The following IFI27 variants were observed in gnomAD, a reference collection of about 807,000 sequenced individuals.
The protein encoded by IFI27 is interferon alpha-inducible protein 27, mitochondrial.
IFI27 carries 3 observed loss-of-function variants against 8.9 expected under a neutral mutation model. The ratio of observed to expected loss-of-function variants is 0.34; its 90% confidence interval spans 0.15 to 0.87. The LOEUF is 0.87. IFI27 is among the 40% of genes least tolerant of loss of function. IFI27 has a pLI of 0.51. For missense variants in IFI27, 152 were observed against 157.7 expected (o/e 0.96, Z 0.19); for synonymous variants, 66 against 67.3 (o/e 0.98, Z 0.09).
chr14:94,116,099 G>A lies in IFI27; in HGVS notation c.283+157G>A, dbSNP rs1188723582. On this transcript the variant is annotated intron_variant, in intron 4 of 4. Transcript: ENST00000621160. The surrounding 1 kb of genome is among the most constrained non-coding windows in gnomAD (Gnocchi z 4.3). ...GGTTTCTCTGAGGGAGATGGAGGAG[G>A]GAGGGAAGGAGCCCAAGCCAGGAAC... 8 of 902,100 alleles carry A rather than the reference G, an allele frequency of 8.9e-6. No individual in the cohort carries two copies. The allele number at this position is 902,100 out of a possible 1,614,324, so 55.9% of individuals were successfully genotyped here.
chr14:94,111,481 C>A lies in IFI27; in HGVS notation c.-58-144C>A. 1.7e-6 allele frequency: 1 copy of A among 594,118 alleles called. No homozygotes were observed. Among genetic ancestry groups the A allele is most frequent in the South Asian group, 2.0e-5 (1 of 48,876 alleles). 36.8% of individuals were successfully genotyped at this position (594,118 alleles called of 1,614,324 possible). A position where few individuals can be genotyped will look rare whatever the true frequency, so the allele number is the denominator to read the frequency against. ...CTCCCCAACATCCCTCCCTCCCTCA[C>A]CCCAGGATCCTTTCAAGGCCTGCTG... On this transcript the variant is annotated intron_variant, in intron 1 of 4. Coordinates refer to ENST00000621160, the Ensembl canonical transcript of IFI27. The surrounding 1 kb of genome is among the most constrained non-coding windows in gnomAD (Gnocchi z 4.3).
At chr14:94,114,250 T>C (rs8008692) in intron 2 of IFI27, 5,920 of 153,460 alleles carry the variant, frequency 0.039, 369 homozygotes, top group African/African-American at 0.13. Context: ...GAAGCACATC[T>C]TTCTCTGCCA....
Position 94,116,419 on chromosome 14 carries a change from G to C in IFI27, c.284-23G>C. On this transcript the variant is annotated intron_variant, in intron 4 of 4. Transcript: ENST00000621160. The surrounding 1 kb of genome is among the most constrained non-coding windows in gnomAD (Gnocchi z 4.3). ...TTCCCCGACAGGCATGTCCCACTCT[G>C]TCCACCCTCTGCTTCTTCCCAGGAG... 1 of 1,574,872 alleles carries C rather than the reference G, an allele frequency of 6.3e-7. No individual in the cohort carries two copies. The highest frequency in any genetic ancestry group is 2.2e-5 in the East Asian group (1 of 44,524).
Position 94,116,348 on chromosome 14 carries a change from C to A in IFI27, c.284-94C>A. ...TGGGGTCTGTAAGCCTCAGCCCCTG[C>A]TGAGGGTCACTGGAGTCTCTGACCC... On this transcript the variant is annotated intron_variant, in intron 4 of 4. Transcript: ENST00000621160. The surrounding 1 kb of genome is among the most constrained non-coding windows in gnomAD (Gnocchi z 4.3). 2 of 851,940 alleles carry A rather than the reference C, an allele frequency of 2.3e-6. No homozygotes were observed. The highest frequency in any genetic ancestry group is 2.0e-5 in the Admixed American group (1 of 49,838). 52.8% of individuals were successfully genotyped at this position (851,940 alleles called of 1,614,324 possible). A position where few individuals can be genotyped will look rare whatever the true frequency, so the allele number is the denominator to read the frequency against.
Position 94,115,188 on chromosome 14 carries a change from G to A in IFI27, c.121+308G>A, listed in dbSNP as rs1285898710. On this transcript the variant is annotated intron_variant, in intron 3 of 4. Transcript: ENST00000621160. ...TGTCTTTGAACTCCTCTGAGCTCCT[G>A]TTTCCTCTCCAGAGAAAAGGCTGGT... 5 of 654,436 alleles carry A rather than the reference G, an allele frequency of 7.6e-6. No individual in the cohort carries two copies. The Admixed American group carries it at 1.0e-4, about 14-fold the overall frequency. The allele number at this position is 654,436 out of a possible 1,614,324, so 40.5% of individuals were successfully genotyped here. A position where few individuals can be genotyped will look rare whatever the true frequency, so the allele number is the denominator to read the frequency against.
At chr14:94,108,764 A>AG (rs1333467421), upstream of IFI27, among the ~76,000 whole-genome samples, 2 of 151,874 alleles carry the variant, frequency 1.3e-5, no homozygotes, top group Non-Finnish European at 2.9e-5. Flanking sequence ...AAAAAAAAAA[A>AG]AGAGAGAGAG....
chr14:94,115,976 G>T, intron 4 of IFI27, 34 bp downstream of exon 4: 1 of 1,548,590 alleles, frequency 6.5e-7, no homozygotes. Flanking sequence ...TGGGGAGGGC[G>T]ATGAGGAGGG....
chr14:94,106,765 A>G (rs1308099252), upstream of IFI27, among the ~76,000 whole-genome samples: 3 of 152,166 alleles, frequency 2.0e-5, no homozygotes, highest in African/African-American at 4.8e-5. Context: ...TTGTACTCAC[A>G]ATGGAAGGCA....
At chr14:94,106,928 G>A (rs1567074774), upstream of IFI27, among the ~76,000 whole-genome samples, 2 of 151,902 alleles carry the variant, frequency 1.3e-5, no homozygotes, top group Non-Finnish European at 2.9e-5. Flanking sequence ...AAACACCCCC[G>A]ACTAGGCCTC....
At chr14:94,115,041 C>G in intron 3 of IFI27, 161 bp downstream of exon 3, 1 of 701,016 alleles carries the variant, frequency 1.4e-6, no homozygotes. Flanking sequence ...AGAAATACAG[C>G]ACTGGAAGCT....
Position 94,111,591 on chromosome 14 carries a change from C to G in IFI27, c.-58-34C>G, listed in dbSNP as rs1887185952. ...GTGGGAAGCAAGTCAGGTTGTGTGC[C>G]CATCCCGTCCTCAGAGCTCCATCCC... On this transcript the variant is annotated intron_variant, in intron 1 of 4. Coordinates refer to ENST00000621160, the Ensembl canonical transcript of IFI27. The surrounding 1 kb of genome is among the most constrained non-coding windows in gnomAD (Gnocchi z 4.3). 3 of 1,018,726 alleles carry G rather than the reference C, an allele frequency of 2.9e-6. No individual in the cohort carries two copies. 63.1% of individuals were successfully genotyped at this position (1,018,726 alleles called of 1,614,324 possible).
chr14:94,106,438 T>C (rs919783508), upstream of IFI27, among the ~76,000 whole-genome samples: 3 of 152,246 alleles, frequency 2.0e-5, 1 homozygote, highest in East Asian at 3.8e-4. Context: ...CCACCAACAG[T>C]GTGCAATGGT....
At position 94,111,689 on chromosome 14, in the gene IFI27, G is replaced by C. The variant is rs548465908; in HGVS notation, c.7G>C (p.Ala3Pro). Residue 3 changes from alanine to proline, a missense_variant, in exon 2 of 5, where the codon GCC (alanine) becomes CCC (proline). Transcript: ENST00000621160. The surrounding 1 kb of genome is among the most constrained non-coding windows in gnomAD (Gnocchi z 4.3). ...GGAATTAACCCGAGCAGGCATGGAG[G>C]CCTCTGCTCTCACCTCATCAGCAGT... 1.9e-6 allele frequency: 3 copies of C among 1,613,770 alleles called. No homozygotes were observed. In the South Asian group the frequency reaches 3.3e-5, roughly 18 times the overall value.
At position 94,116,491 on chromosome 14, in the gene IFI27, G is replaced by T; in HGVS notation, c.333G>T (p.Gly111=). The T allele has an allele frequency of 1.2e-6, 2 of 1,613,542 alleles. No individual in the cohort carries two copies. Among genetic ancestry groups the T allele is most frequent in the Non-Finnish European group, 1.7e-6 (2 of 1,179,802 alleles). The change falls in exon 5 of 5, where the codon GGG becomes GGT. Residue 111 remains glycine, a synonymous_variant. Coordinates refer to ENST00000621160, the Ensembl canonical transcript of IFI27. This position sits in a 1 kb window ranked among gnomAD's most constrained non-coding sequence, Gnocchi z 4.3. ...CCAAGTTCATCCTGGGCTCCATTGG[G>T]TCTGCCATTGCGGCTGTCATTGCGA...
upstream of IFI27, among the ~76,000 whole-genome samples, chr14:94,108,812 A>G (rs1183035491): frequency 1.3e-5 from 2 of 152,148 alleles, no homozygotes; most frequent in Non-Finnish European, 2.9e-5. Flanking sequence ...TTACTTGGGA[A>G]TAATACAAAA....
At chr14:94,113,077 G>A (rs1887252966) in intron 2 of IFI27, 1 of 152,242 alleles carries the variant, frequency 6.6e-6, no homozygotes, top group Non-Finnish European at 1.5e-5. Context: ...AGGAAGATAA[G>A]AAGATAATAT....
upstream of IFI27, among the ~76,000 whole-genome samples, chr14:94,109,710 C>A (rs1455717877): frequency 6.6e-6 from 1 of 152,182 alleles, no homozygotes; most frequent in Admixed American, 6.5e-5. Flanking sequence ...AACGGGAGAG[C>A]CTCATCTTGC....
chr14:94,109,781 T>C (rs1887099102), upstream of IFI27, among the ~76,000 whole-genome samples: 2 of 152,218 alleles, frequency 1.3e-5, no homozygotes, highest in Admixed American at 1.3e-4. Context: ...CCCAAGTGAC[T>C]CCATTTTGAA....
chr14:94,111,666 A>G lies in IFI27; in HGVS notation c.-17A>G. 1 of 1,610,660 alleles carries G rather than the reference A, an allele frequency of 6.2e-7. No individual in the cohort carries two copies. Among genetic ancestry groups the G allele is most frequent in the Non-Finnish European group, 8.5e-7 (1 of 1,176,820 alleles). On this transcript the variant is annotated 5_prime_UTR_variant, in exon 2 of 5. Transcript: ENST00000621160. The surrounding 1 kb of genome is among the most constrained non-coding windows in gnomAD (Gnocchi z 4.3). ...GGATCTCTTACTCTCTAGGCCACGGAATTAACCCGAGCAGGCATGGAGGCC... is the reference window on the plus strand; with the variant it reads ...GGATCTCTTACTCTCTAGGCCACGGGATTAACCCGAGCAGGCATGGAGGCC...
Sources: allele counts gnomAD v4.1 joint callset (sites outside exome capture counted in the v4.1 genomes callset), GRCh38; gene constraint gnomAD v4.1.1; non-coding constraint Gnocchi (gnomAD v3.1); transcripts MANE v1.5; gene names NCBI Gene and HGNC (gene_info 2026-07-23, HGNC 2026-07-21).